Variants in SOX6 observed in about 807,000 individuals in gnomAD.
The protein encoded by SOX6 is transcription factor SOX-6.
In SOX6, 11 loss-of-function variants were observed where a neutral mutation model predicts 97.8. The observed-to-expected ratio is 0.11, with a 90% CI of 0.07 to 0.19. The LOEUF (loss-of-function observed/expected upper bound fraction) is 0.19, where lower values mean the gene tolerates loss of function less well. Among genes scored for constraint, SOX6 ranks in the 10% least tolerant of loss-of-function variants. SOX6 has a pLI of 1.00. For missense variants in SOX6, 810 were observed against 1,039.5 expected, an observed-to-expected ratio of 0.78 and a Z score of 3.04; for synonymous variants, 360 against 371.4, an observed-to-expected ratio of 0.97 and a Z score of 0.35.
intron 2 of SOX6, among the ~76,000 whole-genome samples, chr11:16,717,090 T>C (rs968797218): frequency 6.6e-6 from 1 of 152,168 alleles, no homozygotes; most frequent in Non-Finnish European, 1.5e-5. Context: ...TCTGTGGTCA[T>C]ACTAAAATTT....
intron 9 of SOX6, among the ~76,000 whole-genome samples, chr11:16,065,430 T>C (rs972065943): frequency 6.6e-6 from 1 of 152,042 alleles, no homozygotes; most frequent in Non-Finnish European, 1.5e-5. Context: ...AAAATGTCCA[T>C]GCTACCCAAA....
chr11:16,095,935 T>TA, intron 9 of SOX6, 61 bp downstream of exon 9: 1 of 1,379,208 alleles, frequency 7.3e-7, no homozygotes, highest in Admixed American at 2.0e-5. Flanking sequence ...AAAAAAAGCC[T>TA]AGAGTATGAC....
intron 6 of SOX6, among the ~76,000 whole-genome samples, chr11:16,181,052 C>T (rs1851333158): frequency 6.6e-6 from 1 of 151,522 alleles, no homozygotes; most frequent in Non-Finnish European, 1.5e-5. Flanking sequence ...AGGTTAGGCA[C>T]TCTTCCCTTT....
chr11:16,421,832 A>G (rs1859027242), intron 1 of SOX6, among the ~76,000 whole-genome samples: 1 of 152,256 alleles, frequency 6.6e-6, no homozygotes, highest in Admixed American at 6.5e-5. Flanking sequence ...TGTAAGAATC[A>G]GTTTACTGTT....
rs1371831929 is a variant in SOX6, at chr11:15,967,772, G to A, written c.*5037C>T. On this transcript the variant is annotated 3_prime_UTR_variant, in exon 16 of 16. Coordinates refer to ENST00000683767, the MANE Select transcript of SOX6 (RefSeq NM_001367873.1). The stretch of plus-strand genomic sequence containing the variant: ...CACTGAGGCCTCACTTTATGCTTGT[G>A]GTTCTTCAGGAATAAGAAACTACTG... 1 of 152,162 alleles carries A rather than the reference G, an allele frequency of 6.6e-6. No individual in the cohort carries two copies. The highest frequency in any genetic ancestry group is 2.4e-5 in the African/African-American group (1 of 41,428). 9.4% of individuals were successfully genotyped at this position (152,162 alleles called of 1,614,324 possible). A position where few individuals can be genotyped will look rare whatever the true frequency, so the allele number is the denominator to read the frequency against.
At chr11:16,207,345 G>C (rs148966550) in intron 4 of SOX6, among the ~76,000 whole-genome samples, 2,601 of 152,278 alleles carry the variant, frequency 0.017, 84 homozygotes, top group African/African-American at 0.06. Context: ...GCTCACGCCT[G>C]TAATCCTAGC....
At chr11:16,328,985 T>C (rs1018799327) in intron 2 of SOX6, among the ~76,000 whole-genome samples, 9 of 152,180 alleles carry the variant, frequency 5.9e-5, no homozygotes, top group Admixed American at 2.0e-4. Flanking sequence ...TTTTGAATGA[T>C]AGTGAAAGTG....
Position 16,354,670 on chromosome 11 carries a change from G to A in SOX6, c.-5+1424C>T, listed in dbSNP as rs75373411. Among the ~76,000 whole-genome samples the A allele has an allele frequency of 8.9e-3, 1,359 of 151,910 alleles. 22 individuals carry two copies. The highest frequency in any genetic ancestry group is 0.031 in the African/African-American group (1,272 of 41,456). ...TCTTTCCTTGATTTTCAACTAAAAC[G>A]GTCCAAGTATTTGGAGACTGTAACC... On this transcript the variant is annotated intron_variant, in intron 1 of 15. Coordinates refer to ENST00000683767, the MANE Select transcript of SOX6 (RefSeq NM_001367873.1).
At chr11:16,215,452 A>G (rs956984852) in intron 4 of SOX6, among the ~76,000 whole-genome samples, 6 of 152,194 alleles carry the variant, frequency 3.9e-5, no homozygotes, top group Non-Finnish European at 8.8e-5. Flanking sequence ...ACAGAAATAC[A>G]TATGCCACTA....
Position 16,174,747 on chromosome 11 carries a change from C to A in SOX6, c.777+9139G>T, listed in dbSNP as rs190283403. Among the ~76,000 whole-genome samples the A allele has an allele frequency of 9.9e-4, 151 of 151,946 alleles. 1 individual carries two copies. Among genetic ancestry groups the A allele is most frequent in the Non-Finnish European group, 2.4e-4 (16 of 67,866 alleles). On this transcript the variant is annotated intron_variant, in intron 6 of 15. Transcript: ENST00000683767. ...TTTATATGAACAACTTTATTTTCAG[C>A]AAGAAGGACTTTTGCATTTTGTGCA...
chr11:16,203,763 A>G (rs370328524), intron 4 of SOX6, among the ~76,000 whole-genome samples: 72 of 152,270 alleles, frequency 4.7e-4, no homozygotes, highest in African/African-American at 1.7e-3. Flanking sequence ...CCAAATAATT[A>G]TAAGGCAGAG....
At chr11:16,500,754 G>T (rs919079116) in intron 4 of SOX6, among the ~76,000 whole-genome samples, 1 of 152,154 alleles carries the variant, frequency 6.6e-6, no homozygotes, top group Non-Finnish European at 1.5e-5. Flanking sequence ...ACTCACGAGG[G>T]ATGTGAAGGA....
intron 3 of SOX6, among the ~76,000 whole-genome samples, chr11:16,259,973 G>GTATA (rs1554950237): frequency 1.4e-5 from 2 of 145,168 alleles, no homozygotes; most frequent in Non-Finnish European, 3.1e-5. Flanking sequence ...GTGTGTGTGT[G>GTATA]TATATATACA....
At chr11:16,274,267 C>T (rs1854334136) in intron 3 of SOX6, among the ~76,000 whole-genome samples, 1 of 151,954 alleles carries the variant, frequency 6.6e-6, no homozygotes, top group Admixed American at 6.6e-5. Flanking sequence ...ACCTTGGTTT[C>T]TTCTTTTCTA....
chr11:16,002,511 A>G (rs1854434474), intron 13 of SOX6, among the ~76,000 whole-genome samples: 1 of 152,164 alleles, frequency 6.6e-6, no homozygotes, highest in African/African-American at 2.4e-5. Context: ...TCTTTATTTT[A>G]ATGACCTGAA....
intron 6 of SOX6, among the ~76,000 whole-genome samples, chr11:16,162,556 G>T (rs1366794274): frequency 1.3e-5 from 2 of 152,074 alleles, no homozygotes; most frequent in African/African-American, 4.8e-5. Context: ...ACACTCTCTT[G>T]CTCCTGCTTT....
chr11:16,056,497 G>A (rs1446601892), intron 9 of SOX6, among the ~76,000 whole-genome samples: 1 of 152,048 alleles, frequency 6.6e-6, no homozygotes, highest in African/African-American at 2.4e-5. Context: ...AGAGAATATG[G>A]CCAGATTGGT....
intron 4 of SOX6, among the ~76,000 whole-genome samples, chr11:16,550,815 T>C (rs1437479834): frequency 2.0e-5 from 3 of 152,188 alleles, no homozygotes; most frequent in African/African-American, 7.2e-5. Flanking sequence ...TATTGTAAAC[T>C]TTAAAGCAAC....
chr11:16,116,601 C>T (rs1159475551), intron 6 of SOX6, among the ~76,000 whole-genome samples: 1 of 152,180 alleles, frequency 6.6e-6, no homozygotes, highest in Non-Finnish European at 1.5e-5. Flanking sequence ...CAAATGATAA[C>T]ATCTTGCAAA....
Sources: gnomAD v4.1 joint callset for allele counts (sites outside exome capture counted in the v4.1 genomes callset) on GRCh38, gnomAD v4.1.1 for gene constraint, MANE v1.5 for transcripts, NCBI Gene and HGNC (gene_info 2026-07-23, HGNC 2026-07-21) for gene names.